Variants in CDH8 observed in about 807,000 individuals in gnomAD.
CDH8 encodes cadherin 8.
Under a neutral mutation model 68.1 loss-of-function variants are expected in CDH8, and 17 were observed. That is an observed-to-expected ratio of 0.25 (90% CI 0.17 to 0.37). The LOEUF is 0.37. CDH8 is among the 10% of genes least tolerant of loss of function. The pLI is 1.00. For synonymous variants in CDH8, 372 were observed against 365.1 expected, an observed-to-expected ratio of 1.02 and a Z score of -0.21; for missense variants, 763 against 999.3, an observed-to-expected ratio of 0.76 and a Z score of 3.19.
rs1486781328 is a variant in CDH8, at chr16:61,836,879, A to G, written c.668-11700T>C. Among the ~76,000 whole-genome samples the G allele has an allele frequency of 6.6e-5, 10 of 152,168 alleles. No homozygotes were observed. The South Asian group carries it at 2.1e-3, about 32-fold the overall frequency. ...CAAGTACTGAGCGGAGTTACATGCT[A>G]GAGGCACTTAAAATTCTGACAACTT... On this transcript the variant is annotated intron_variant, in intron 4 of 11. Transcript: ENST00000577390.
chr16:61,945,557 G>T (rs1964788921), intron 2 of CDH8, among the ~76,000 whole-genome samples: 1 of 151,998 alleles, frequency 6.6e-6, no homozygotes, highest in Non-Finnish European at 1.5e-5. Flanking sequence ...CTACTCAAAG[G>T]TTAGCTGCAA....
intron 8 of CDH8, among the ~76,000 whole-genome samples, chr16:61,775,818 A>G (rs1288839820): frequency 6.6e-6 from 1 of 152,114 alleles, no homozygotes; most frequent in Non-Finnish European, 1.5e-5. Flanking sequence ...CTGACCAGAA[A>G]GAGTACCAAA....
chr16:61,984,685 T>A (rs899235848), intron 2 of CDH8, among the ~76,000 whole-genome samples: 65 of 152,296 alleles, frequency 4.3e-4, no homozygotes, highest in African/African-American at 1.4e-3. Flanking sequence ...AAACCAAAGT[T>A]CTGAAATTTA....
At chr16:61,894,415 T>C (rs9302539) in intron 3 of CDH8, among the ~76,000 whole-genome samples, 39,084 of 151,980 alleles carry the variant, frequency 0.26, 6,603 homozygotes, top group African/African-American at 0.49. Flanking sequence ...TGCAGATTAT[T>C]TGATGAGGTC....
chr16:61,652,906 A>G lies in CDH8; in HGVS notation c.*702T>C, dbSNP rs762904127. 64 of 1,526,066 alleles carry G rather than the reference A, an allele frequency of 4.2e-5. No homozygotes were observed. The highest frequency in any genetic ancestry group is 5.3e-5 in the Non-Finnish European group (60 of 1,142,236). 94.5% of individuals were successfully genotyped at this position (1,526,066 alleles called of 1,614,324 possible). ...GAACGAGGAATCCTGCTTCTAGAAA[A>G]CAAGCATGTTTGAATGGGATTTCTC... On this transcript the variant is annotated 3_prime_UTR_variant, in exon 12 of 12. Coordinates refer to ENST00000577390, the MANE Select transcript of CDH8 (RefSeq NM_001796.5).
At position 62,035,358 on chromosome 16, in the gene CDH8, C is replaced by T. The variant is rs1041125059; in HGVS notation, c.-200+722G>A. Among the ~76,000 whole-genome samples the T allele has an allele frequency of 2.6e-5, 4 of 152,172 alleles. No homozygotes were observed. In the East Asian group the frequency reaches 5.8e-4, roughly 22 times the overall value. On this transcript the variant is annotated intron_variant, in intron 1 of 11. Coordinates refer to ENST00000577390, the MANE Select transcript of CDH8 (RefSeq NM_001796.5). ...CGGCTTAAGGGGGCCTCCGTGCACG[C>T]AATCTCGAGTTGCGGGGAGACACTG...
At chr16:61,959,071 C>A (rs1000013916) in intron 2 of CDH8, among the ~76,000 whole-genome samples, 2 of 152,140 alleles carry the variant, frequency 1.3e-5, no homozygotes, top group Non-Finnish European at 2.9e-5. Context: ...CTTCAAAAAT[C>A]AACTTGATTC....
At chr16:61,866,347 A>G (rs933364978) in intron 3 of CDH8, among the ~76,000 whole-genome samples, 6 of 152,180 alleles carry the variant, frequency 3.9e-5, no homozygotes, top group Non-Finnish European at 8.8e-5. Context: ...TGCAAAGGGT[A>G]TAAGAATATG....
chr16:61,664,168 G>A (rs1287589487), intron 10 of CDH8, among the ~76,000 whole-genome samples: 8 of 151,798 alleles, frequency 5.3e-5, no homozygotes, highest in Admixed American at 5.3e-4. Context: ...TTGTGAAGAT[G>A]TATGTATTCT....
chr16:61,654,152 C>T (rs1963390207), intron 11 of CDH8, 51 bp from the exon 12 acceptor site: 1 of 1,527,376 alleles, frequency 6.5e-7, no homozygotes, highest in Non-Finnish European at 8.9e-7. Context: ...TATAATTTCA[C>T]AAGCAACACA....
At chr16:61,696,016 C>A (rs936629391) in intron 10 of CDH8, among the ~76,000 whole-genome samples, 2 of 152,132 alleles carry the variant, frequency 1.3e-5, no homozygotes, top group African/African-American at 4.8e-5. Flanking sequence ...AGCTGTCTGT[C>A]ACTTACATTA....
intron 2 of CDH8, among the ~76,000 whole-genome samples, chr16:61,904,874 C>T (rs1964037248): frequency 6.6e-6 from 1 of 152,262 alleles, no homozygotes; most frequent in African/African-American, 2.4e-5. Flanking sequence ...GGCAACAACA[C>T]TGCCCTGTCA....
At chr16:62,026,865 GA>G (rs1567574295) in intron 1 of CDH8, among the ~76,000 whole-genome samples, 10 of 152,238 alleles carry the variant, frequency 6.6e-5, no homozygotes. Context: ...GAACATCAGA[GA>G]ATGGCTTTGT....
intron 2 of CDH8, among the ~76,000 whole-genome samples, chr16:61,966,021 TA>T (rs946263999): frequency 1.3e-5 from 2 of 152,014 alleles, no homozygotes; most frequent in African/African-American, 2.4e-5. Flanking sequence ...AGGATGAAAA[TA>T]AAAAAATGCT....
At chr16:61,704,829 C>T (rs755544855) in intron 10 of CDH8, among the ~76,000 whole-genome samples, 23 of 152,154 alleles carry the variant, frequency 1.5e-4, no homozygotes, top group Non-Finnish European at 3.2e-4. Context: ...CATGAACCCA[C>T]TCATTTTGTA....
chr16:61,964,237 A>T (rs943698851), intron 2 of CDH8, among the ~76,000 whole-genome samples: 1 of 152,194 alleles, frequency 6.6e-6, no homozygotes, highest in African/African-American at 2.4e-5. Context: ...TTTTAAAAAG[A>T]TTAATAGAAA....
intron 3 of CDH8, among the ~76,000 whole-genome samples, chr16:61,890,379 G>C (rs1471155721): frequency 8.9e-6 from 1 of 112,528 alleles, no homozygotes; most frequent in Non-Finnish European, 1.8e-5. Context: ...AAAGACACTA[G>C]TTTACAAGAC....
chr16:61,925,362 G>T (rs1261691294), intron 2 of CDH8, among the ~76,000 whole-genome samples: 2 of 152,156 alleles, frequency 1.3e-5, no homozygotes, highest in Non-Finnish European at 2.9e-5. Context: ...GATACTCATT[G>T]TTTCTCCTTA....
intron 1 of CDH8, among the ~76,000 whole-genome samples, chr16:62,035,860 ACAGT>A (rs1208402091): frequency 6.6e-6 from 1 of 152,174 alleles, no homozygotes; most frequent in East Asian, 1.9e-4. Context: ...GTTTGCAAAA[ACAGT>A]CAGGCAAAAC....
Sources: gnomAD v4.1 joint callset for allele counts (sites outside exome capture counted in the v4.1 genomes callset) on GRCh38, gnomAD v4.1.1 for gene constraint, MANE v1.5 for transcripts, NCBI Gene and HGNC (gene_info 2026-07-23, HGNC 2026-07-21) for gene names.